The following IMPDH1 variants were observed in gnomAD, a reference collection of about 807,000 sequenced individuals.
The protein encoded by IMPDH1 is inosine monophosphate dehydrogenase 1, also known as inosine-5'-monophosphate dehydrogenase 1.
Under a neutral mutation model 73.5 loss-of-function variants are expected in IMPDH1, and 41 were observed. That is an observed-to-expected ratio of 0.56 (90% CI 0.43 to 0.72). IMPDH1 has a LOEUF of 0.72. Ranked by LOEUF, IMPDH1 falls within the 30% of genes least tolerant of loss-of-function variation. The pLI, the probability that IMPDH1 is intolerant of heterozygous loss-of-function variation, is 0.00. For synonymous variants in IMPDH1, 318 were observed against 334.3 expected, an observed-to-expected ratio of 0.95 and a Z score of 0.53; for missense variants, 645 against 824.8, an observed-to-expected ratio of 0.78 and a Z score of 2.67.
intron 9 of IMPDH1, among the ~76,000 whole-genome samples, chr7:128,399,805 T>C (rs1251382485): frequency 6.6e-6 from 1 of 152,254 alleles, no homozygotes; most frequent in Non-Finnish European, 1.5e-5. Context: ...TGCAATTCTT[T>C]ATGCAAGATA....
intron 12 of IMPDH1, 85 bp from the exon 13 acceptor site, chr7:128,395,359 T>C: frequency 6.7e-6 from 10 of 1,490,330 alleles, no homozygotes; most frequent in South Asian, 2.3e-5. Flanking sequence ...CTCTTCCTCC[T>C]GTGCACTACC....
Position 128,398,622 on chromosome 7 carries a change from G to C in IMPDH1, c.875-9C>G, listed in dbSNP as rs1798097508. The C allele has an allele frequency of 6.2e-7, 1 of 1,610,192 alleles. No homozygotes were observed. The highest frequency in any genetic ancestry group is 8.5e-7 in the Non-Finnish European group (1 of 1,177,076). On this transcript the variant is annotated splice_polypyrimidine_tract_variant and intron_variant, in intron 9 of 16. Transcript: ENST00000338791. This position sits in a 1 kb window ranked among gnomAD's most constrained non-coding sequence, Gnocchi z 4.3. Reference sequence around the variant, plus strand: ...GACGATAGGCAGCTTCCCTGACAAGGAATGCAGGGGTGAAATGAAGCAGGC... The same window carrying C: ...GACGATAGGCAGCTTCCCTGACAAGCAATGCAGGGGTGAAATGAAGCAGGC...
chr7:128,409,163 C>G (rs1192347928), intron 3 of IMPDH1, 126 bp downstream of exon 3: 1 of 842,062 alleles, frequency 1.2e-6, no homozygotes, highest in Non-Finnish European at 2.0e-6. Flanking sequence ...TACTCTTCCT[C>G]CAGTGTCCCT....
Position 128,395,164 on chromosome 7 carries a change from C to T in IMPDH1, c.1372G>A (p.Val458Met), listed in dbSNP as rs762811874. ...GCTCCAAGGGCCAGGGCCTTGACCA[C>T]GTGTCCCACGGTCTGGATGCCGCCA... ...ADGGIQTVGHVVKALALGAST... is the reference protein window; with the variant it reads ...ADGGIQTVGHMVKALALGAST... The change falls in exon 13 of 17, where the codon GTG (valine) becomes ATG (methionine). Residue 458 changes from valine to methionine, a missense_variant. By Grantham distance (21) the Val-to-Met change is conservative. Transcript: ENST00000338791. 23 of 1,613,936 alleles carry T rather than the reference C, an allele frequency of 1.4e-5. No individual in the cohort carries two copies. Among genetic ancestry groups the T allele is most frequent in the East Asian group, 2.2e-5 (1 of 44,894 alleles).
rs757419190 is a variant in IMPDH1 at position 128,395,078 on chromosome 7, C to G, written c.1406-45G>C. The G allele has an allele frequency of 2.1e-5, 33 of 1,603,322 alleles. 1 individual carries two copies. The South Asian group carries it at 3.3e-4, about 16-fold the overall frequency. On this transcript the variant is annotated intron_variant, in intron 13 of 16. Coordinates refer to ENST00000338791, the MANE Select transcript of IMPDH1 (RefSeq NM_000883.4). ...AGTGCCTCCAGCCCACTAGTGCCAC[C>G]CCCCCAGCTTCCAGCCCTCGCCTGC...
Position 128,392,809 on chromosome 7 carries a change from C to A in IMPDH1, c.*198G>T, listed in dbSNP as rs985959981. ...GGGGGCTCCCAGGGCAGCCTGGCCC[C>A]GGGAGCAGTCCTGACTCTGCAGGGG... On this transcript the variant is annotated 3_prime_UTR_variant, in exon 17 of 17. Transcript: ENST00000338791. 2.4e-5 allele frequency: 14 copies of A among 586,694 alleles called. No individual in the cohort carries two copies. The highest frequency in any genetic ancestry group is 4.6e-4 in the Middle Eastern group (1 of 2,162). 36.3% of individuals were successfully genotyped at this position (586,694 alleles called of 1,614,324 possible).
Position 128,393,017 on chromosome 7 carries a change from C to T in IMPDH1, c.1790G>A (p.Arg597Gln), listed in dbSNP as rs559687529. 10 of 1,613,856 alleles carry T rather than the reference C, an allele frequency of 6.2e-6. No homozygotes were observed. In the African/African-American group the frequency reaches 6.7e-5, roughly 11 times the overall value. ...GVHGLHSYEK[R>Q]LY Reference sequence around the variant, plus strand: ...CCTCCACCGCTGTCCTCAGTACAGCCGCTTTTCGTAACTGTGGGGACAAGG... The same window carrying T: ...CCTCCACCGCTGTCCTCAGTACAGCTGCTTTTCGTAACTGTGGGGACAAGG... Residue 597 changes from arginine to glutamine, a missense_variant, in exon 17 of 17, where the codon CGG becomes CAG. Arg to Gln is a conservative substitution (Grantham distance 43). Transcript: ENST00000338791.
rs765832524 is a variant in IMPDH1, at chr7:128,398,656, G to A, written c.875-43C>T. 2 of 1,532,738 alleles carry A rather than the reference G, an allele frequency of 1.3e-6. No homozygotes were observed. The highest frequency in any genetic ancestry group is 1.1e-5 in the South Asian group (1 of 89,422). The allele number at this position is 1,532,738 out of a possible 1,614,324, so 94.9% of individuals were successfully genotyped here. A position where few individuals can be genotyped will look rare whatever the true frequency, so the allele number is the denominator to read the frequency against. ...GGTGAAATGAAGCAGGCTTGGTGGG[G>A]AGAAGTTTGGGAGATGTTTAGGAGG... is the stretch of plus-strand genomic sequence containing the variant. On this transcript the variant is annotated intron_variant, in intron 9 of 16. Transcript: ENST00000338791. This position sits in a 1 kb window ranked among gnomAD's most constrained non-coding sequence, Gnocchi z 4.3.
intron 16 of IMPDH1, chr7:128,393,888 C>T (rs929970236): frequency 2.9e-5 from 10 of 347,564 alleles, no homozygotes; most frequent in East Asian, 7.0e-5. Context: ...CTGGCCCTGG[C>T]GTCCATCTCT....
intron 3 of IMPDH1, among the ~76,000 whole-genome samples, chr7:128,408,033 C>T (rs936073988): frequency 6.6e-6 from 1 of 152,202 alleles, no homozygotes; most frequent in African/African-American, 2.4e-5. Flanking sequence ...CCACCCTCAA[C>T]CCCCACTCTC....
chr7:128,408,300 A>G (rs781179016), intron 3 of IMPDH1, among the ~76,000 whole-genome samples: 3 of 152,196 alleles, frequency 2.0e-5, no homozygotes, highest in Non-Finnish European at 4.4e-5. Flanking sequence ...CAAGATTTCA[A>G]AACACTCTTG....
chr7:128,409,681 G>C, intron 1 of IMPDH1, 75 bp downstream of exon 1: 1 of 1,519,746 alleles, frequency 6.6e-7, no homozygotes, highest in Non-Finnish European at 8.8e-7. Flanking sequence ...CAGCGTCGCC[G>C]GGTTCCCGGA....
chr7:128,400,254 T>G, intron 8 of IMPDH1, 72 bp from the exon 9 acceptor site: 3 of 1,606,362 alleles, frequency 1.9e-6, no homozygotes, highest in Non-Finnish European at 2.6e-6. Context: ...CTCTGGTCCC[T>G]GGTCACAGGC....
intron 7 of IMPDH1, 122 bp from the exon 8 acceptor site, chr7:128,400,661 G>A: frequency 8.4e-7 from 1 of 1,196,590 alleles, no homozygotes; most frequent in South Asian, 1.2e-5. Context: ...GTGGGATGAG[G>A]AGCCAGTGGG....
intron 3 of IMPDH1, among the ~76,000 whole-genome samples, chr7:128,408,855 AG>A (rs1045864973): frequency 6.6e-6 from 1 of 152,152 alleles, no homozygotes; most frequent in African/African-American, 2.4e-5. Context: ...CTGCCAGGAC[AG>A]GGGGGCCTAA....
chr7:128,405,713 G>A (rs1798680100), intron 4 of IMPDH1, 54 bp downstream of exon 4: 2 of 1,508,570 alleles, frequency 1.3e-6, no homozygotes, highest in South Asian at 1.2e-5. Context: ...GGGCCGGCCC[G>A]GGGGTCGCGG....
At chr7:128,407,880 A>C (rs1364742028) in intron 3 of IMPDH1, among the ~76,000 whole-genome samples, 1 of 151,988 alleles carries the variant, frequency 6.6e-6, no homozygotes, top group Admixed American at 6.5e-5. Context: ...TCACCTTCCC[A>C]GTGATTACAG....
chr7:128,409,913 A>C lies in IMPDH1; in HGVS notation c.-12T>G. On this transcript the variant is annotated 5_prime_UTR_variant, in exon 1 of 17. Transcript: ENST00000338791. ...AGTGGCCCCTCCATGCGGAGGCCGC[A>C]GCTCAGGGCGGGCGGGAGCCTGGAG... is the stretch of plus-strand genomic sequence containing the variant. 7.2e-7 allele frequency: 1 copy of C among 1,380,386 alleles called. No homozygotes were observed. The highest frequency in any genetic ancestry group is 9.3e-7 in the Non-Finnish European group (1 of 1,071,066). The allele number at this position is 1,380,386 out of a possible 1,614,324, so 85.5% of individuals were successfully genotyped here.
rs753697577 is a variant in IMPDH1, at chr7:128,393,057, A to G, written c.1779-29T>C. The G allele has an allele frequency of 4.3e-6, 7 of 1,613,610 alleles. No individual in the cohort carries two copies. In the Admixed American group the frequency reaches 1.2e-4, roughly 27 times the overall value. On this transcript the variant is annotated intron_variant, in intron 16 of 16. Coordinates refer to ENST00000338791, the MANE Select transcript of IMPDH1 (RefSeq NM_000883.4). Reference sequence around the variant, plus strand: ...TGGGGACAAGGCAAGAGGGGGAACAAGAGTGGGTGTGTGGACCCTGCTCCT... The same window carrying G: ...TGGGGACAAGGCAAGAGGGGGAACAGGAGTGGGTGTGTGGACCCTGCTCCT...
Sources: allele counts gnomAD v4.1 joint callset (sites outside exome capture counted in the v4.1 genomes callset), GRCh38; gene constraint gnomAD v4.1.1; non-coding constraint Gnocchi (gnomAD v3.1); transcripts MANE v1.5; gene names NCBI Gene and HGNC (gene_info 2026-07-23, HGNC 2026-07-21).